The following RABGAP1L variants were observed in gnomAD, a reference collection of about 807,000 sequenced individuals.
RABGAP1L encodes rab GTPase-activating protein 1-like.
Under a neutral mutation model 137.7 loss-of-function variants are expected in RABGAP1L, and 63 were observed. The observed-to-expected ratio is 0.46, with a 90% CI of 0.37 to 0.56. The LOEUF is 0.56. Among genes scored for constraint, RABGAP1L ranks in the 20% least tolerant of loss-of-function variants. RABGAP1L has a pLI of 0.00. For synonymous variants in RABGAP1L, 431 were observed against 433.7 expected, an observed-to-expected ratio of 0.99 and a Z score of 0.08; for missense variants, 1,095 against 1,244.0, an observed-to-expected ratio of 0.88 and a Z score of 1.80.
At chr1:174,616,156 C>T (rs767062358) in intron 13 of RABGAP1L, among the ~76,000 whole-genome samples, 1 of 152,220 alleles carries the variant, frequency 6.6e-6, no homozygotes, top group Non-Finnish European at 1.5e-5. Flanking sequence ...GCAGAAATCA[C>T]CTGTCTTCTG....
At chr1:174,637,175 T>C (rs1674117126) in intron 13 of RABGAP1L, among the ~76,000 whole-genome samples, 200 bp from the exon 14 acceptor site, 2 of 152,156 alleles carry the variant, frequency 1.3e-5, no homozygotes, top group Admixed American at 1.3e-4. Context: ...TATGTATAGA[T>C]AGATGGGTGA....
chr1:174,679,145 T>C (rs1049069653), intron 14 of RABGAP1L, among the ~76,000 whole-genome samples: 1 of 152,190 alleles, frequency 6.6e-6, no homozygotes, highest in Non-Finnish European at 1.5e-5. Context: ...CGATAGATGA[T>C]TGGCTATTTC....
intron 19 of RABGAP1L, among the ~76,000 whole-genome samples, chr1:174,814,850 G>T (rs902387455): frequency 6.6e-6 from 1 of 152,050 alleles, no homozygotes; most frequent in Non-Finnish European, 1.5e-5. Flanking sequence ...CACCACGCCT[G>T]GCTATTTTTG....
chr1:174,988,972 C>T, intron 25 of RABGAP1L, 134 bp downstream of exon 25: 1 of 615,650 alleles, frequency 1.6e-6, no homozygotes, highest in South Asian at 5.9e-5. Context: ...ATGTGTCCTG[C>T]ATAATCACAT....
chr1:174,471,990 A>G (rs893758290), intron 13 of RABGAP1L, among the ~76,000 whole-genome samples: 2 of 152,198 alleles, frequency 1.3e-5, no homozygotes, highest in East Asian at 1.9e-4. Context: ...TGAAGACACA[A>G]TGGAGAAGTG....
intron 11 of RABGAP1L, among the ~76,000 whole-genome samples, chr1:174,308,418 CT>C (rs1433094682): frequency 5.9e-5 from 9 of 151,694 alleles, no homozygotes; most frequent in African/African-American, 1.9e-4. Context: ...GCTTTTGTTC[CT>C]TTTGCTTTTG....
At chr1:174,612,466 T>C (rs1199821405) in intron 13 of RABGAP1L, among the ~76,000 whole-genome samples, 1 of 152,226 alleles carries the variant, frequency 6.6e-6, no homozygotes, top group Non-Finnish European at 1.5e-5. Flanking sequence ...GCCAGTATTT[T>C]ATTCAGGATT....
intron 13 of RABGAP1L, among the ~76,000 whole-genome samples, chr1:174,560,356 A>C (rs928809555): frequency 2.0e-5 from 3 of 152,154 alleles, no homozygotes; most frequent in African/African-American, 7.2e-5. Flanking sequence ...GTCACATCAA[A>C]GTTATGCAAC....
chr1:174,616,584 G>C (rs1671899648), intron 13 of RABGAP1L, among the ~76,000 whole-genome samples: 1 of 152,198 alleles, frequency 6.6e-6, no homozygotes, highest in Admixed American at 6.5e-5. Flanking sequence ...TAAAATAGCA[G>C]AGTGAAAGCC....
At position 174,341,186 on chromosome 1, in the gene RABGAP1L, CTTAA is replaced by C. The variant is rs1262675184; in HGVS notation, c.1466-29790_1466-29787del. 1.0e-3 allele frequency among the ~76,000 whole-genome samples: 159 copies of C among 151,970 alleles called. 1 individual carries two copies. The highest frequency in any genetic ancestry group is 0.01 in the Admixed American group (157 of 15,244). On this transcript the variant is annotated intron_variant, in intron 11 of 25. Coordinates refer to ENST00000681986, the MANE Select transcript of RABGAP1L (RefSeq NM_001366446.1). ...TTGTCAGATGGATAGATAGTTCTTTCTTAATTCATGTTATTTTCATGTGATGATA... is the reference window on the plus strand; with the variant it reads ...TTGTCAGATGGATAGATAGTTCTTTCTTCATGTTATTTTCATGTGATGATA...
intron 12 of RABGAP1L, among the ~76,000 whole-genome samples, chr1:174,384,035 C>T (rs1294899963): frequency 6.6e-6 from 1 of 152,190 alleles, no homozygotes; most frequent in Non-Finnish European, 1.5e-5. Context: ...CCCAAATGTC[C>T]GTCAAAAGTA....
intron 19 of RABGAP1L, among the ~76,000 whole-genome samples, chr1:174,858,769 C>T (rs1444844166): frequency 6.6e-6 from 1 of 152,136 alleles, no homozygotes; most frequent in Non-Finnish European, 1.5e-5. Context: ...GCCTGAGACA[C>T]TTATTATTAC....
intron 14 of RABGAP1L, among the ~76,000 whole-genome samples, chr1:174,641,371 T>C (rs1674522213): frequency 6.6e-6 from 1 of 152,112 alleles, no homozygotes; most frequent in African/African-American, 2.4e-5. Context: ...ATCGAAATGA[T>C]TCAAAGCTTC....
chr1:174,616,583 A>T (rs1052573611), intron 13 of RABGAP1L, among the ~76,000 whole-genome samples: 5 of 152,218 alleles, frequency 3.3e-5, no homozygotes, highest in African/African-American at 2.4e-5. Context: ...TTAAAATAGC[A>T]GAGTGAAAGC....
At chr1:174,943,268 G>A (rs1380550565) in intron 19 of RABGAP1L, among the ~76,000 whole-genome samples, 1 of 152,138 alleles carries the variant, frequency 6.6e-6, no homozygotes, top group Non-Finnish European at 1.5e-5. Flanking sequence ...TAGTTTTTGT[G>A]TTCAATTTTT....
intron 18 of RABGAP1L, among the ~76,000 whole-genome samples, chr1:174,768,076 T>G (rs1685826184): frequency 6.6e-6 from 1 of 152,158 alleles, no homozygotes; most frequent in South Asian, 2.1e-4. Context: ...AAGATGAGAT[T>G]TGGGTGGGGA....
At chr1:174,491,450 A>G (rs1660221759) in intron 13 of RABGAP1L, among the ~76,000 whole-genome samples, 1 of 151,888 alleles carries the variant, frequency 6.6e-6, no homozygotes, top group African/African-American at 2.4e-5. Flanking sequence ...CCAAGATGCA[A>G]GTTAAAATCC....
rs944296457 is a variant in RABGAP1L, at chr1:174,301,462, TTG to T, written c.1324-3519_1324-3518del. ...GGCTCAGCCCCATTGCTGCTTTCTG[TTG>T]TGTGGGGCAGCTGCCCTCTGCCAGC... On this transcript the variant is annotated intron_variant, in intron 10 of 25. Transcript: ENST00000681986. 5.4e-4 allele frequency among the ~76,000 whole-genome samples: 81 copies of T among 151,184 alleles called. 1 individual carries two copies. The highest frequency in any genetic ancestry group is 1.9e-3 in the Admixed American group (29 of 15,238).
chr1:174,473,038 C>T (rs948802875), intron 13 of RABGAP1L, among the ~76,000 whole-genome samples: 1 of 152,084 alleles, frequency 6.6e-6, no homozygotes, highest in Admixed American at 6.5e-5. Flanking sequence ...CAAATTTTAA[C>T]CCTAATTATT....
Sources: gnomAD v4.1 joint callset for allele counts (sites outside exome capture counted in the v4.1 genomes callset) on GRCh38, gnomAD v4.1.1 for gene constraint, MANE v1.5 for transcripts, NCBI Gene and HGNC (gene_info 2026-07-23, HGNC 2026-07-21) for gene names.